ULBP1: variants seen among roughly 807,000 people sequenced by gnomAD.
ULBP1 encodes the protein UL16 binding protein 1.
A neutral mutation model predicts 25.3 loss-of-function variants in ULBP1; 28 were observed. The observed-to-expected ratio is 1.10, with a 90% CI of 0.82 to 1.51. ULBP1 has a LOEUF of 1.51. ULBP1 is among the 40% of genes most tolerant of loss of function. The probability of loss-of-function intolerance (pLI) is 0.00; values close to 1 mark genes in which losing one functional copy is unlikely to be tolerated. For synonymous variants in ULBP1, 129 were observed against 103.0 expected (o/e 1.25, Z -1.53); for missense variants, 348 against 290.9 (o/e 1.20, Z -1.43).
At position 149,970,126 on chromosome 6, in the gene ULBP1, G is replaced by A. The variant is rs1291343098; in HGVS notation, c.*1G>A. Reference sequence around the variant, plus strand: ...CTGCTTCATTCTAGCTGGCAGATGAGGAGAGTTGTTTAGAGTGACAGGTAC... The same window carrying A: ...CTGCTTCATTCTAGCTGGCAGATGAAGAGAGTTGTTTAGAGTGACAGGTAC... On this transcript the variant is annotated 3_prime_UTR_variant, in exon 4 of 5. Coordinates refer to ENST00000229708, the MANE Select transcript of ULBP1 (RefSeq NM_025218.4). 4 of 1,602,932 alleles carry A rather than the reference G, an allele frequency of 2.5e-6. No homozygotes were observed. The highest frequency in any genetic ancestry group is 1.1e-5 in the South Asian group (1 of 88,850).
Position 149,964,024 on chromosome 6 carries a change from C to T in ULBP1, c.-26C>T. 6.2e-7 allele frequency: 1 copy of T among 1,613,100 alleles called. No individual in the cohort carries two copies. The highest frequency in any genetic ancestry group is 8.5e-7 in the Non-Finnish European group (1 of 1,179,522). On this transcript the variant is annotated 5_prime_UTR_variant, in exon 1 of 5. Transcript: ENST00000229708. The stretch of plus-strand genomic sequence containing the variant: ...GCCTCGAAGGGAACCATCAGCGCCT[C>T]CTGTCCACGGAGCTCCAGGTCTACA...
In ULBP1 at chr6:149,973,462, A is replaced by G. The variant is rs1179017474; in HGVS notation, c.*2116A>G. On this transcript the variant is annotated 3_prime_UTR_variant, in exon 5 of 5. Transcript: ENST00000229708. ...AACCTGTATATGTACCTTGTATTAT[A>G]TAGGTTGAAATTAAAGATGAATAAA... The G allele has an allele frequency of 1.3e-5, 2 of 152,196 alleles. No individual in the cohort carries two copies. Among genetic ancestry groups the G allele is most frequent in the African/African-American group, 2.4e-5 (1 of 41,434 alleles). 9.4% of individuals were successfully genotyped at this position (152,196 alleles called of 1,614,324 possible).
At chr6:149,969,831 C>CA (rs1416114859) in intron 3 of ULBP1, among the ~76,000 whole-genome samples, 185 bp from the exon 4 acceptor site, 1 of 152,138 alleles carries the variant, frequency 6.6e-6, no homozygotes, top group Non-Finnish European at 1.5e-5. Flanking sequence ...GATGTGTGAG[C>CA]TCCCTGAGGG....
Position 149,969,157 on chromosome 6 carries a change from T to C in ULBP1, c.422T>C (p.Phe141Ser), listed in dbSNP as rs780039637. The C allele has an allele frequency of 6.2e-7, 1 of 1,614,084 alleles. No homozygotes were observed. The highest frequency in any genetic ancestry group is 1.3e-5 in the African/African-American group (1 of 74,926). Residue 141 changes from phenylalanine (F) to serine (S), a missense_variant, in exon 3 of 5, where the codon TTC (phenylalanine) becomes TCC (serine). Coordinates refer to ENST00000229708, the MANE Select transcript of ULBP1 (RefSeq NM_025218.4). ...GGACACGGCAGAGGATCTTGGCAGT[T>C]CCTCTTCAATGGACAGAAGTTCCTC... ...AHGHGRGSWQ[F>S]LFNGQKFLLF...
chr6:149,968,612 C>A lies in ULBP1; in HGVS notation c.91C>A (p.His31Asn). ...GWSRAGWVDT[H>N]CLCYDFIITP... The stretch of plus-strand genomic sequence containing the variant: ...CCTGTGTTTTTCTTCCACAGACACA[C>A]ACTGTCTTTGCTATGACTTCATCAT... The change falls in exon 2 of 5, where the codon CAC becomes AAC. Residue 31 changes from histidine (H) to asparagine (N), a missense_variant. Coordinates refer to ENST00000229708, the MANE Select transcript of ULBP1 (RefSeq NM_025218.4). 5 of 1,604,566 alleles carry A rather than the reference C, an allele frequency of 3.1e-6. No homozygotes were observed. Among genetic ancestry groups the A allele is most frequent in the Non-Finnish European group, 4.3e-6 (5 of 1,172,464 alleles).
At chr6:149,964,764 C>T (rs890931461) in intron 1 of ULBP1, among the ~76,000 whole-genome samples, 2 of 147,502 alleles carry the variant, frequency 1.4e-5, no homozygotes, top group Non-Finnish European at 3.0e-5. Flanking sequence ...CGCGATGCCC[C>T]CGAACATCGC....
chr6:149,968,456 C>T (rs1487721755), intron 1 of ULBP1, 151 bp from the exon 2 acceptor site: 2 of 1,052,134 alleles, frequency 1.9e-6, no homozygotes, highest in Non-Finnish European at 1.4e-6. Flanking sequence ...TAGTCATTAA[C>T]TAGTTTTCAT....
rs1361187882 is a variant in ULBP1, at chr6:149,971,440, T to C, written c.*94T>C. 6 of 977,042 alleles carry C rather than the reference T, an allele frequency of 6.1e-6. No individual in the cohort carries two copies. Among genetic ancestry groups the C allele is most frequent in the Non-Finnish European group, 7.3e-6 (6 of 822,622 alleles). 60.5% of individuals were successfully genotyped at this position (977,042 alleles called of 1,614,324 possible). ...GCTCTCCCTTCAGGGAGGCCGCCTG[T>C]CTACTCACCACTGTGCCTTTCTGGA... On this transcript the variant is annotated 3_prime_UTR_variant, in exon 5 of 5. Transcript: ENST00000229708.
chr6:149,965,379 G>A (rs1473151192), intron 1 of ULBP1, among the ~76,000 whole-genome samples: 1 of 152,236 alleles, frequency 6.6e-6, no homozygotes, highest in Non-Finnish European at 1.5e-5. Flanking sequence ...CGCCGAGTCC[G>A]CTTCCTGCAG....
chr6:149,965,693 C>G (rs1779192520), intron 1 of ULBP1, among the ~76,000 whole-genome samples: 1 of 152,174 alleles, frequency 6.6e-6, no homozygotes, highest in African/African-American at 2.4e-5. Flanking sequence ...GCTCCCTGCC[C>G]TGGAACTTCG....
rs574886341 is a variant in ULBP1 at position 149,971,525 on chromosome 6, C to G, written c.*179C>G. 2.5e-6 allele frequency: 1 copy of G among 399,590 alleles called. No individual in the cohort carries two copies. The allele number at this position is 399,590 out of a possible 1,614,324, so 24.8% of individuals were successfully genotyped here. On this transcript the variant is annotated 3_prime_UTR_variant, in exon 5 of 5. Coordinates refer to ENST00000229708, the MANE Select transcript of ULBP1 (RefSeq NM_025218.4). ...CCCCAGCAGACGATGAGGACATTGTCGGCTCAACATCTCAGGCCACTCATT... is the reference window on the plus strand; with the variant it reads ...CCCCAGCAGACGATGAGGACATTGTGGGCTCAACATCTCAGGCCACTCATT...
intron 1 of ULBP1, among the ~76,000 whole-genome samples, chr6:149,967,982 G>T (rs1294749576): frequency 2.6e-5 from 4 of 152,042 alleles, no homozygotes; most frequent in African/African-American, 7.3e-5. Context: ...CTCTGGCATG[G>T]GTGCTTCTCT....
At chr6:149,969,918 C>G (rs974465433) in intron 3 of ULBP1, 98 bp from the exon 4 acceptor site, 3 of 1,478,380 alleles carry the variant, frequency 2.0e-6, no homozygotes, top group African/African-American at 2.8e-5. Context: ...GACAAAAGGT[C>G]TGCCTTCCAG....
At chr6:149,970,943 T>A (rs975474072) in intron 4 of ULBP1, among the ~76,000 whole-genome samples, 1 of 152,174 alleles carries the variant, frequency 6.6e-6, no homozygotes, top group African/African-American at 2.4e-5. Context: ...TTCAGAGCTA[T>A]GGGTGCAGCT....
chr6:149,964,968 C>G (rs1242604942), intron 1 of ULBP1, among the ~76,000 whole-genome samples: 1 of 147,804 alleles, frequency 6.8e-6, no homozygotes, highest in Non-Finnish European at 1.5e-5. Context: ...TCTCGCCGAA[C>G]ATGCCCGGCT....
At chr6:149,965,004 C>T (rs549668444) in intron 1 of ULBP1, among the ~76,000 whole-genome samples, 20 of 151,092 alleles carry the variant, frequency 1.3e-4, no homozygotes, top group Middle Eastern at 3.4e-3. Flanking sequence ...CCCTCCGCGG[C>T]TCCTTTCCTC....
chr6:149,971,322 C>T, intron 4 of ULBP1, 47 bp from the exon 5 acceptor site: 1 of 985,136 alleles, frequency 1.0e-6, no homozygotes, highest in Non-Finnish European at 1.2e-6. Flanking sequence ...GAGAACAGAC[C>T]CAGGTTTTTC....
intron 4 of ULBP1, among the ~76,000 whole-genome samples, chr6:149,970,526 A>T (rs56887763): frequency 0.14 from 20,801 of 152,052 alleles, 2,630 homozygotes; most frequent in East Asian, 0.34. Flanking sequence ...CCACTTCACC[A>T]AGGATGTCAA....
Position 149,964,280 on chromosome 6 carries a change from C to T in ULBP1, c.85+146C>T, listed in dbSNP as rs1160809936. On this transcript the variant is annotated intron_variant, in intron 1 of 4. Coordinates refer to ENST00000229708, the MANE Select transcript of ULBP1 (RefSeq NM_025218.4). Reference sequence around the variant, plus strand: ...TCGCGGTCTCCCCGAACGTCGCGGTCCCTCCGAACGTCGCGGTCTCCCCGA... The same window carrying T: ...TCGCGGTCTCCCCGAACGTCGCGGTTCCTCCGAACGTCGCGGTCTCCCCGA... The T allele has an allele frequency of 9.1e-6, 8 of 876,340 alleles. No individual in the cohort carries two copies. In the East Asian group the frequency reaches 1.6e-4, roughly 17 times the overall value. The allele number at this position is 876,340 out of a possible 1,614,324, so 54.3% of individuals were successfully genotyped here.
Sources: allele counts gnomAD v4.1 joint callset (sites outside exome capture counted in the v4.1 genomes callset), GRCh38; gene constraint gnomAD v4.1.1; transcripts MANE v1.5; gene names NCBI Gene and HGNC (gene_info 2026-07-23, HGNC 2026-07-21).